Variants in LRRFIP2 observed in about 807,000 individuals in gnomAD.
LRRFIP2 encodes the protein leucine-rich repeat flightless-interacting protein 2.
A neutral mutation model predicts 125.9 loss-of-function variants in LRRFIP2; 109 were observed. The ratio of observed to expected loss-of-function variants is 0.87; its 90% CI spans 0.74 to 1.01. LRRFIP2 has a LOEUF of 1.01. LRRFIP2 is among the 50% of genes least tolerant of loss of function. The pLI, the probability that LRRFIP2 is intolerant of heterozygous loss-of-function variation, is 0.00. For synonymous variants in LRRFIP2, 291 were observed against 293.1 expected, an observed-to-expected ratio of 0.99 and a Z score of 0.07; for missense variants, 850 against 862.3, an observed-to-expected ratio of 0.99 and a Z score of 0.18.
At chr3:37,107,140 G>A (rs2094366879) in intron 13 of LRRFIP2, among the ~76,000 whole-genome samples, 1 of 151,956 alleles carries the variant, frequency 6.6e-6, no homozygotes, top group Non-Finnish European at 1.5e-5. Flanking sequence ...CCGATCTCAG[G>A]TAATGTGCCC....
intron 25 of LRRFIP2, 94 bp downstream of exon 25, chr3:37,058,696 A>G: frequency 7.7e-7 from 1 of 1,295,346 alleles, no homozygotes; most frequent in Non-Finnish European, 1.1e-6. Flanking sequence ...AAAAAAGAAA[A>G]GTGTATTACA....
intron 15 of LRRFIP2, among the ~76,000 whole-genome samples, chr3:37,102,399 CCA>C (rs1183161669): frequency 2.6e-5 from 4 of 151,482 alleles, no homozygotes; most frequent in Non-Finnish European, 5.9e-5. Context: ...GGAGATTTTT[CCA>C]CAGAGGGGGA....
chr3:37,145,746 A>G (rs1490342081), intron 2 of LRRFIP2, among the ~76,000 whole-genome samples: 1 of 152,214 alleles, frequency 6.6e-6, no homozygotes, highest in Non-Finnish European at 1.5e-5. Context: ...ATAAGCTATT[A>G]ATGGTGGAAT....
intron 18 of LRRFIP2, among the ~76,000 whole-genome samples, chr3:37,086,263 A>G (rs1284909647): frequency 6.6e-6 from 1 of 152,266 alleles, no homozygotes; most frequent in Non-Finnish European, 1.5e-5. Flanking sequence ...TTTCCCATAT[A>G]TTGCTGGTAG....
intron 19 of LRRFIP2, among the ~76,000 whole-genome samples, chr3:37,081,241 G>A (rs1298234690): frequency 6.6e-6 from 1 of 152,038 alleles, no homozygotes; most frequent in Middle Eastern, 3.2e-3. Context: ...GACCCTGTCT[G>A]TAAAAACAAT....
At chr3:37,159,276 G>C (rs1325229111) in intron 1 of LRRFIP2, among the ~76,000 whole-genome samples, 1 of 152,106 alleles carries the variant, frequency 6.6e-6, no homozygotes, top group Admixed American at 6.6e-5. Context: ...TGCCACCCTT[G>C]TCAAAAATCA....
intron 1 of LRRFIP2, among the ~76,000 whole-genome samples, chr3:37,173,938 T>C (rs895578715): frequency 2.0e-5 from 3 of 152,226 alleles, no homozygotes; most frequent in African/African-American, 7.2e-5. Flanking sequence ...CCCTTGCATA[T>C]TTACCTATCA....
intron 2 of LRRFIP2, among the ~76,000 whole-genome samples, chr3:37,137,280 A>G (rs2095582479): frequency 6.6e-6 from 1 of 151,918 alleles, no homozygotes; most frequent in African/African-American, 2.4e-5. Flanking sequence ...ACCTGGCCTT[A>G]TTTTCTTTTC....
At chr3:37,173,189 C>T (rs1432620311) in intron 1 of LRRFIP2, among the ~76,000 whole-genome samples, 1 of 151,420 alleles carries the variant, frequency 6.6e-6, no homozygotes, top group Non-Finnish European at 1.5e-5. Context: ...CAGAGCGAGA[C>T]TCCACCTAAA....
At chr3:37,067,506 G>A (rs2148812259) in intron 21 of LRRFIP2, 1 of 152,242 alleles carries the variant, frequency 6.6e-6, no homozygotes, top group East Asian at 1.9e-4. Flanking sequence ...ACTATATCAG[G>A]TAACTTTCCT....
chr3:37,129,947 C>G (rs2095384706), intron 2 of LRRFIP2, among the ~76,000 whole-genome samples: 1 of 152,204 alleles, frequency 6.6e-6, no homozygotes, highest in African/African-American at 2.4e-5. Flanking sequence ...GAGCTGAGAT[C>G]ATGCCACTGC....
At chr3:37,123,170 T>TTTG (rs113012823) in intron 4 of LRRFIP2, among the ~76,000 whole-genome samples, 15,663 of 150,990 alleles carry the variant, frequency 0.1, 1,641 homozygotes, top group African/African-American at 0.28. Context: ...CTGATTTACA[T>TTTG]TTGTTGTTGT....
At chr3:37,080,105 A>T (rs1379551735) in intron 19 of LRRFIP2, among the ~76,000 whole-genome samples, 1 of 152,232 alleles carries the variant, frequency 6.6e-6, no homozygotes, top group Non-Finnish European at 1.5e-5. Flanking sequence ...CTGCTTAAAA[A>T]TAACATTAAA....
At chr3:37,162,647 GA>G in intron 1 of LRRFIP2, among the ~76,000 whole-genome samples, 1 of 152,278 alleles carries the variant, frequency 6.6e-6, no homozygotes, top group Middle Eastern at 3.4e-3. Flanking sequence ...AACAGAGAGG[GA>G]AACTTAGCAT....
rs2094473093 is a variant in LRRFIP2, at chr3:37,109,522, C to A, written c.609+5G>T. ...CTGCACACACTGGAAGAGGAAAATA[C>A]AAACCAGACTGGCACTTCTCAGCAG... On this transcript the variant is annotated splice_donor_5th_base_variant and intron_variant, in intron 11 of 27. Transcript: ENST00000336686. 1.9e-6 allele frequency: 3 copies of A among 1,614,000 alleles called. No individual in the cohort carries two copies. The highest frequency in any genetic ancestry group is 2.5e-6 in the Non-Finnish European group (3 of 1,179,928).
At chr3:37,175,173 T>G (rs1024293315), upstream of LRRFIP2, 1 of 152,210 alleles carries the variant, frequency 6.6e-6, no homozygotes, top group Non-Finnish European at 1.5e-5. Context: ...CCCGCTCTCC[T>G]TCTCTCTTGT....
At chr3:37,134,175 C>G (rs1177901276) in intron 2 of LRRFIP2, among the ~76,000 whole-genome samples, 1 of 128,972 alleles carries the variant, frequency 7.8e-6, no homozygotes. Context: ...GAGCAAGACT[C>G]TGTCTCAAAA....
At chr3:37,123,531 G>A (rs923532596) in intron 4 of LRRFIP2, among the ~76,000 whole-genome samples, 1 of 152,188 alleles carries the variant, frequency 6.6e-6, no homozygotes, top group Non-Finnish European at 1.5e-5. Flanking sequence ...CATGTAGTCT[G>A]CAAGAAGCCA....
intron 1 of LRRFIP2, among the ~76,000 whole-genome samples, chr3:37,172,046 T>G (rs1004701611): frequency 8.5e-5 from 13 of 152,174 alleles, no homozygotes; most frequent in African/African-American, 3.1e-4. Flanking sequence ...ACAAAGTAAT[T>G]AAGAGCTCCT....
Sources: allele counts gnomAD v4.1 joint callset (sites outside exome capture counted in the v4.1 genomes callset), GRCh38; gene constraint gnomAD v4.1.1; transcripts MANE v1.5; gene names NCBI Gene and HGNC (gene_info 2026-07-23, HGNC 2026-07-21).